Variants in STK32B observed in about 807,000 individuals in gnomAD.
STK32B encodes the protein serine/threonine kinase 32B.
STK32B carries 43 observed loss-of-function variants against 52.6 expected under a neutral mutation model. The observed-to-expected ratio is 0.82, with a 90% CI of 0.64 to 1.05. The LOEUF (loss-of-function observed/expected upper bound fraction) is 1.05, where lower values mean the gene tolerates loss of function less well. Among genes scored for constraint, STK32B ranks in the 50% least tolerant of loss-of-function variants. The pLI is 0.00. For synonymous variants in STK32B, 238 were observed against 204.3 expected, an observed-to-expected ratio of 1.17 and a Z score of -1.41; for missense variants, 621 against 534.6, an observed-to-expected ratio of 1.16 and a Z score of -1.59.
intron 3 of STK32B, among the ~76,000 whole-genome samples, chr4:5,314,374 T>A (rs998629871): frequency 9.2e-5 from 14 of 152,040 alleles, no homozygotes; most frequent in Non-Finnish European, 2.9e-5. Flanking sequence ...GCCTTACATA[T>A]TTTTAAAAAA....
At position 5,232,564 on chromosome 4, in the gene STK32B, A is replaced by G. The variant is rs113111104; in HGVS notation, c.260+64114A>G. ...GATACCTAAGGAGTCCAGGTCTAGA[A>G]TCCCTGATGGGACATGGGATGTACT... On this transcript the variant is annotated intron_variant, in intron 3 of 11. Coordinates refer to ENST00000282908, the MANE Select transcript of STK32B (RefSeq NM_018401.3). Among the ~76,000 whole-genome samples, 201 of 152,324 alleles carry G rather than the reference A, an allele frequency of 1.3e-3. 1 individual carries two copies. Among genetic ancestry groups the G allele is most frequent in the Non-Finnish European group, 2.5e-3 (168 of 68,024 alleles).
In STK32B at chr4:5,074,188, A is replaced by ATATATGTGTGTGTGTGTGTG. The variant is rs375845988; in HGVS notation, c.52+22274_52+22275insATATGTGTGTGTGTGTGTGT. On this transcript the variant is annotated intron_variant, in intron 1 of 11. Coordinates refer to ENST00000282908, the MANE Select transcript of STK32B (RefSeq NM_018401.3). ...ATTCTGTTCATTTGTAAATATATAT[A>ATATATGTGTGTGTGTGTGTG]TGTGTGTGTGTGTGTGTGTGTGCGC... 4.9e-3 allele frequency among the ~76,000 whole-genome samples: 731 copies of ATATATGTGTGTGTGTGTGTG among 148,874 alleles called. 9 individuals carry two copies. Among genetic ancestry groups the ATATATGTGTGTGTGTGTGTG allele is most frequent in the African/African-American group, 0.017 (700 of 40,498 alleles).
intron 6 of STK32B, 148 bp from the exon 7 acceptor site, chr4:5,446,525 C>T: frequency 3.1e-6 from 2 of 637,112 alleles, no homozygotes; most frequent in Non-Finnish European, 5.4e-6. Flanking sequence ...CCATTATGTG[C>T]CAGCCTGGGC....
At chr4:5,175,345 A>G (rs1719771225) in intron 3 of STK32B, among the ~76,000 whole-genome samples, 1 of 152,086 alleles carries the variant, frequency 6.6e-6, no homozygotes, top group Non-Finnish European at 1.5e-5. Context: ...ATTGCTGGTG[A>G]GGAGCTGCGT....
intron 4 of STK32B, 49 bp downstream of exon 4, chr4:5,331,442 G>A (rs759177235): frequency 1.3e-5 from 21 of 1,566,676 alleles, no homozygotes; most frequent in East Asian, 2.3e-5. Flanking sequence ...CCATGGGCTA[G>A]GGTGTCAGGA....
At chr4:5,187,302 C>G (rs77034267) in intron 3 of STK32B, among the ~76,000 whole-genome samples, 1 of 152,172 alleles carries the variant, frequency 6.6e-6, no homozygotes. Flanking sequence ...CCAGGACTCT[C>G]TTGGTCCATG....
At chr4:5,329,794 G>A (rs1194620389) in intron 3 of STK32B, among the ~76,000 whole-genome samples, 1 of 152,180 alleles carries the variant, frequency 6.6e-6, no homozygotes, top group Non-Finnish European at 1.5e-5. Context: ...TGAACAATGG[G>A]TAAGATACAC....
At chr4:5,075,395 T>C (rs553620155) in intron 1 of STK32B, among the ~76,000 whole-genome samples, 1 of 152,310 alleles carries the variant, frequency 6.6e-6, no homozygotes, top group South Asian at 2.1e-4. Context: ...CTTGACAATG[T>C]CACTTTTATT....
At chr4:5,282,283 T>C (rs75623416) in intron 3 of STK32B, among the ~76,000 whole-genome samples, 1,980 of 152,270 alleles carry the variant, frequency 0.013, 31 homozygotes, top group African/African-American at 0.044. Flanking sequence ...ATTCCAGGAC[T>C]CTTCACAGAG....
intron 4 of STK32B, among the ~76,000 whole-genome samples, chr4:5,359,072 G>A (rs1174107244): frequency 1.3e-5 from 2 of 152,198 alleles, no homozygotes; most frequent in East Asian, 1.9e-4. Flanking sequence ...GTCTTCTTGT[G>A]CAGGACCTTG....
intron 2 of STK32B, among the ~76,000 whole-genome samples, chr4:5,156,566 G>A (rs12645191): frequency 0.24 from 36,723 of 152,136 alleles, 5,471 homozygotes; most frequent in East Asian, 0.39. Context: ...AGTTAACTCT[G>A]TAGTCAGCAG....
Position 5,302,200 on chromosome 4 carries a change from C to G in STK32B, c.261-29020C>G, listed in dbSNP as rs964154049. Among the ~76,000 whole-genome samples, 75 of 129,360 alleles carry G rather than the reference C, an allele frequency of 5.8e-4. 1 individual carries two copies. In the Middle Eastern group the frequency reaches 0.012, roughly 21 times the overall value. The allele number at this position is 129,360 out of a possible 152,430, so 84.9% of individuals were successfully genotyped here. ...TTATTTCCATATAATTTCAAAATTA[C>G]AAAAATTGTAAAAAAAAAAATCACA... On this transcript the variant is annotated intron_variant, in intron 3 of 11. Transcript: ENST00000282908.
rs563408096 is a variant in STK32B, at chr4:5,318,672, G to T, written c.261-12548G>T. ...GGAACAGCATAAGAAAAGGTACACA[G>T]GTATGAGAGAGAAAGCACATTTGAC... On this transcript the variant is annotated intron_variant, in intron 3 of 11. Coordinates refer to ENST00000282908, the MANE Select transcript of STK32B (RefSeq NM_018401.3). Among the ~76,000 whole-genome samples, 67 of 152,234 alleles carry T rather than the reference G, an allele frequency of 4.4e-4. 1 individual carries two copies. Among genetic ancestry groups the T allele is most frequent in the Non-Finnish European group, 6.2e-4 (42 of 68,016 alleles).
intron 1 of STK32B, among the ~76,000 whole-genome samples, chr4:5,059,052 C>CTTTTTTT (rs3072775): frequency 0.023 from 1,954 of 86,770 alleles, 295 homozygotes; most frequent in East Asian, 0.078. Context: ...CGCCCAGCTG[C>CTTTTTTT]TTTTTTTTTT....
intron 4 of STK32B, among the ~76,000 whole-genome samples, chr4:5,388,998 TA>T (rs940866921): frequency 3.3e-5 from 5 of 151,766 alleles, no homozygotes; most frequent in African/African-American, 9.7e-5. Flanking sequence ...TTTGCAGGAT[TA>T]AAAAAAAATC....
chr4:5,400,939 C>A lies in STK32B; in HGVS notation c.472+2695C>A, dbSNP rs1288014641. The stretch of plus-strand genomic sequence containing the variant: ...GAGTGTGGGGAAGCTCAGGAGAGGT[C>A]GGGCAGAGGGGAGAGGGAAAGGTGT... On this transcript the variant is annotated intron_variant, in intron 5 of 11. Transcript: ENST00000282908. This position sits in a 1 kb window ranked among gnomAD's most constrained non-coding sequence, Gnocchi z 6.1. 6.6e-6 allele frequency among the ~76,000 whole-genome samples: 1 copy of A among 151,804 alleles called. No homozygotes were observed.
intron 11 of STK32B, among the ~76,000 whole-genome samples, chr4:5,482,622 T>C (rs192928478): frequency 2.7e-4 from 41 of 152,320 alleles, no homozygotes; most frequent in African/African-American, 9.1e-4. Flanking sequence ...TCCAACACTA[T>C]ATTGAATAGG....
chr4:5,468,263 C>T (rs1325584990), intron 11 of STK32B, among the ~76,000 whole-genome samples, 193 bp downstream of exon 11: 5 of 152,212 alleles, frequency 3.3e-5, no homozygotes, highest in Non-Finnish European at 5.9e-5. Flanking sequence ...CCGATCCTGC[C>T]TCTGCTGTGT....
At chr4:5,216,709 G>A (rs1723203899) in intron 3 of STK32B, among the ~76,000 whole-genome samples, 1 of 152,220 alleles carries the variant, frequency 6.6e-6, no homozygotes. Flanking sequence ...GGGGAAGGCT[G>A]AAGGAGCTGG....
Sources: allele counts gnomAD v4.1 joint callset (sites outside exome capture counted in the v4.1 genomes callset), GRCh38; gene constraint gnomAD v4.1.1; non-coding constraint Gnocchi (gnomAD v3.1); transcripts MANE v1.5; gene names NCBI Gene and HGNC (gene_info 2026-07-23, HGNC 2026-07-21).